NEK6: variants seen among roughly 807,000 people sequenced by gnomAD.
NEK6 encodes serine/threonine-protein kinase Nek6.
NEK6 carries 27 observed loss-of-function variants against 43.5 expected under a neutral mutation model. That is an observed-to-expected ratio of 0.62 (90% CI 0.46 to 0.86). NEK6 has a LOEUF of 0.86. NEK6 is among the 40% of genes least tolerant of loss of function. The probability of loss-of-function intolerance (pLI) is 0.00; values close to 1 mark genes in which losing one functional copy is unlikely to be tolerated. For missense variants in NEK6, 318 were observed against 414.4 expected, an observed-to-expected ratio of 0.77 and a Z score of 2.02; for synonymous variants, 167 against 164.1, an observed-to-expected ratio of 1.02 and a Z score of -0.14.
At chr9:124,289,321 A>G (rs747286842) in intron 1 of NEK6, among the ~76,000 whole-genome samples, 3 of 151,102 alleles carry the variant, frequency 2.0e-5, no homozygotes, top group Non-Finnish European at 4.4e-5. Context: ...CTGCATTCCC[A>G]TCCAAGCTCT....
chr9:124,291,752 G>A (rs1305944748), intron 1 of NEK6: 3 of 916,904 alleles, frequency 3.3e-6, no homozygotes, highest in Non-Finnish European at 3.9e-6. Flanking sequence ...CCCTCCCTGA[G>A]CCTACACTGG....
chr9:124,301,975 A>G lies in NEK6; in HGVS notation c.11A>G (p.Gln4Arg), dbSNP rs779271535. Residue 4 changes from glutamine (Q) to arginine (R), a missense_variant, in exon 2 of 10, where the codon CAG becomes CGG. This residue lies in a region of NEK6 where 239 missense variants were observed against 344.4 expected (regional missense o/e 0.69). Coordinates refer to ENST00000320246, the MANE Select transcript of NEK6 (RefSeq NM_014397.6). Reference sequence around the variant, plus strand: ...AGGCTGGCATGCAGGATGGCAGGACAGCCCGGCCACATGCCCCATGGAGGG... The same window carrying G: ...AGGCTGGCATGCAGGATGGCAGGACGGCCCGGCCACATGCCCCATGGAGGG... MAGQPGHMPHGGSS... is the reference protein window; with the variant it reads MAGRPGHMPHGGSS... 3.8e-6 allele frequency: 6 copies of G among 1,599,848 alleles called. No individual in the cohort carries two copies. The East Asian group carries it at 1.1e-4, about 30-fold the overall frequency.
intron 7 of NEK6, among the ~76,000 whole-genome samples, chr9:124,332,587 T>C (rs1002855009): frequency 1.4e-4 from 21 of 152,234 alleles, no homozygotes; most frequent in African/African-American, 4.8e-4. Context: ...AGACCGCATT[T>C]CTCCAGCTGC....
chr9:124,287,280 AG>A (rs1832208000), intron 1 of NEK6, among the ~76,000 whole-genome samples: 1 of 152,182 alleles, frequency 6.6e-6, no homozygotes, highest in African/African-American at 2.4e-5. Context: ...TGGCACCAGC[AG>A]GGGCCAGCCT....
intron 4 of NEK6, among the ~76,000 whole-genome samples, chr9:124,319,556 A>G (rs1345443370): frequency 6.6e-6 from 1 of 152,196 alleles, no homozygotes; most frequent in Non-Finnish European, 1.5e-5. Flanking sequence ...GGTATTTCCT[A>G]GGTTTTCTTC....
intron 1 of NEK6, among the ~76,000 whole-genome samples, chr9:124,297,365 G>A (rs1321691536): frequency 6.6e-6 from 1 of 152,198 alleles, no homozygotes; most frequent in East Asian, 1.9e-4. Flanking sequence ...GACCCTAAGA[G>A]GAAGATCTGA....
Position 124,350,932 on chromosome 9 carries a change from G to GATGT in NEK6, c.928_931dup (p.Ser311TyrfsTer107). Reference sequence around the variant, plus strand: ...AGGTGGCCAAGCAGATGCACATCTGGATGTCCAGCACCTGAGCGTGGATGC... The same window carrying GATGT: ...AGGTGGCCAAGCAGATGCACATCTGGATGTATGTCCAGCACCTGAGCGTGGATGC... On this transcript the variant is annotated frameshift_variant, in exon 10 of 10. Coordinates refer to ENST00000320246, the MANE Select transcript of NEK6 (RefSeq NM_014397.6). LOFTEE classifies it high-confidence loss of function. 1 of 1,609,120 alleles carries GATGT rather than the reference G, an allele frequency of 6.2e-7. No individual in the cohort carries two copies. Among genetic ancestry groups the GATGT allele is most frequent in the Non-Finnish European group, 8.5e-7 (1 of 1,179,406 alleles).
intron 1 of NEK6, 89 bp downstream of exon 1, chr9:124,258,174 C>A (rs1830883040): frequency 1.4e-5 from 14 of 974,884 alleles, no homozygotes; most frequent in Non-Finnish European, 1.7e-5. Flanking sequence ...CACCCCCAGC[C>A]GGGCCGAGGG....
At chr9:124,332,989 C>A (rs781702777) in intron 7 of NEK6, among the ~76,000 whole-genome samples, 1 of 152,126 alleles carries the variant, frequency 6.6e-6, no homozygotes, top group African/African-American at 2.4e-5. Flanking sequence ...GTCTCGGCAT[C>A]GCCGGGAGAT....
intron 4 of NEK6, among the ~76,000 whole-genome samples, chr9:124,317,922 C>T (rs569135292): frequency 6.6e-6 from 1 of 152,334 alleles, no homozygotes; most frequent in South Asian, 2.1e-4. Flanking sequence ...TCCGGCCCAC[C>T]ATTTCTGCGC....
At chr9:124,277,044 C>G (rs999296995) in intron 1 of NEK6, among the ~76,000 whole-genome samples, 3 of 152,144 alleles carry the variant, frequency 2.0e-5, no homozygotes, top group African/African-American at 7.2e-5. Flanking sequence ...AATGACGGTG[C>G]TAAGGCTGGG....
intron 1 of NEK6, among the ~76,000 whole-genome samples, chr9:124,260,607 G>C (rs962964174): frequency 6.6e-6 from 1 of 152,140 alleles, no homozygotes; most frequent in African/African-American, 2.4e-5. Context: ...GTGTTGGCCA[G>C]CCAGGCTGGT....
At chr9:124,331,525 C>T (rs1828999214) in intron 7 of NEK6, among the ~76,000 whole-genome samples, 1 of 152,096 alleles carries the variant, frequency 6.6e-6, no homozygotes, top group African/African-American at 2.4e-5. Flanking sequence ...AGAGAGGATC[C>T]CCAGCGAGAC....
chr9:124,293,487 A>T (rs1418061806), intron 1 of NEK6, among the ~76,000 whole-genome samples: 2 of 152,080 alleles, frequency 1.3e-5, no homozygotes, highest in East Asian at 3.9e-4. Flanking sequence ...CAGCTTCTGC[A>T]TTTTTTTTCT....
rs537601714 is a variant in NEK6, at chr9:124,266,154, G to A, written c.-30+8069G>A. 5.3e-5 allele frequency among the ~76,000 whole-genome samples: 8 copies of A among 152,230 alleles called. No homozygotes were observed. In the East Asian group the frequency reaches 1.5e-3, roughly 29 times the overall value. On this transcript the variant is annotated intron_variant, in intron 1 of 9. Coordinates refer to ENST00000320246, the MANE Select transcript of NEK6 (RefSeq NM_014397.6). ...GTGGAGAGGCAGGTGGGGCCGGTGGGTGAGAGGTGGGGCTGTGGAACTTCC... is the reference window on the plus strand; with the variant it reads ...GTGGAGAGGCAGGTGGGGCCGGTGGATGAGAGGTGGGGCTGTGGAACTTCC...
chr9:124,306,053 G>A (rs1222097305), intron 2 of NEK6, among the ~76,000 whole-genome samples: 4 of 152,150 alleles, frequency 2.6e-5, no homozygotes, highest in African/African-American at 4.8e-5. Context: ...GCTCAGGGAA[G>A]GTGAAAATAG....
intron 1 of NEK6, among the ~76,000 whole-genome samples, chr9:124,262,315 C>G (rs1421822557): frequency 2.0e-5 from 3 of 152,228 alleles, no homozygotes; most frequent in African/African-American, 7.2e-5. Context: ...ATGGCCTTCT[C>G]AGACTCGACT....
intron 1 of NEK6, among the ~76,000 whole-genome samples, chr9:124,270,252 G>A (rs1831386788): frequency 1.3e-5 from 2 of 152,186 alleles, no homozygotes. Flanking sequence ...AGCGGGGCCT[G>A]GCACACAAGA....
chr9:124,296,588 C>G (rs1344366252), intron 1 of NEK6, among the ~76,000 whole-genome samples: 1 of 152,214 alleles, frequency 6.6e-6, no homozygotes, highest in Non-Finnish European at 1.5e-5. Context: ...CACACCGTTA[C>G]CACCTCCAGG....
Sources: gnomAD v4.1 joint callset for allele counts (sites outside exome capture counted in the v4.1 genomes callset) on GRCh38, gnomAD v4.1.1 for gene constraint, gnomAD v4.1.1 regional missense constraint, MANE v1.5 for transcripts, NCBI Gene and HGNC (gene_info 2026-07-23, HGNC 2026-07-21) for gene names.